The following DLGAP3 variants were observed in gnomAD, a reference collection of about 807,000 sequenced individuals.
DLGAP3 encodes DLG associated protein 3.
DLGAP3 carries 17 observed loss-of-function variants against 81.2 expected under a neutral mutation model. That is an observed-to-expected ratio of 0.21 (90% CI 0.14 to 0.31). The LOEUF (loss-of-function observed/expected upper bound fraction) is 0.31, where lower values mean the gene tolerates loss of function less well. DLGAP3 is among the 10% of genes least tolerant of loss of function. The probability of loss-of-function intolerance (pLI) is 1.00; values close to 1 mark genes in which losing one functional copy is unlikely to be tolerated. For synonymous variants in DLGAP3, 577 were observed against 587.4 expected (o/e 0.98, Z 0.26); for missense variants, 1,124 against 1,388.0 (o/e 0.81, Z 3.02).
rs1052089897 is a variant in DLGAP3 at position 34,867,686 on chromosome 1, C to A, written c.2486-59G>T. ...GATGCATCTCCTTCCCCAGCCTCCA[C>A]GAAGTCTGCCCTGAATGACGCTGAC... On this transcript the variant is annotated intron_variant, in intron 9 of 11. Coordinates refer to ENST00000373347, the MANE Select transcript of DLGAP3 (RefSeq NM_001080418.3). The surrounding 1 kb of genome is among the most constrained non-coding windows in gnomAD (Gnocchi z 4.3). 4 of 1,404,488 alleles carry A rather than the reference C, an allele frequency of 2.8e-6. No individual in the cohort carries two copies. Among genetic ancestry groups the A allele is most frequent in the Middle Eastern group, 1.9e-4 (1 of 5,152 alleles). 87.0% of individuals were successfully genotyped at this position (1,404,488 alleles called of 1,614,324 possible).
In DLGAP3 at chr1:34,900,383, C is replaced by T; in HGVS notation, c.1108-110G>A. The T allele has an allele frequency of 1.8e-6, 2 of 1,119,906 alleles. No individual in the cohort carries two copies. Among genetic ancestry groups the T allele is most frequent in the Non-Finnish European group, 2.7e-6 (2 of 746,256 alleles). The allele number at this position is 1,119,906 out of a possible 1,614,324, so 69.4% of individuals were successfully genotyped here. ...TGCCCTGCCCTGGCTTGAACAGGCA[C>T]ACTCAGGTACATGCAGAGGCAGAAG... On this transcript the variant is annotated intron_variant, in intron 3 of 11. Coordinates refer to ENST00000373347, the MANE Select transcript of DLGAP3 (RefSeq NM_001080418.3). The surrounding 1 kb of genome is among the most constrained non-coding windows in gnomAD (Gnocchi z 5.6).
At chr1:34,882,644 T>A (rs1331067213) in intron 8 of DLGAP3, among the ~76,000 whole-genome samples, 2 of 152,210 alleles carry the variant, frequency 1.3e-5, no homozygotes, top group African/African-American at 4.8e-5. Flanking sequence ...TCCTCCTAAC[T>A]AGCCTTCTCG....
chr1:34,882,094 AT>A (rs1639154525), intron 8 of DLGAP3, among the ~76,000 whole-genome samples: 2 of 152,226 alleles, frequency 1.3e-5, no homozygotes, highest in South Asian at 4.1e-4. Flanking sequence ...GCCCATCATG[AT>A]TTTCAGATAA....
At chr1:34,886,526 C>CCCACCT (rs1224831878) in intron 5 of DLGAP3, among the ~76,000 whole-genome samples, 2 of 151,436 alleles carry the variant, frequency 1.3e-5, no homozygotes, top group African/African-American at 2.4e-5. Flanking sequence ...CACCCCCACC[C>CCCACCT]CCACCTCCAC....
intron 1 of DLGAP3, among the ~76,000 whole-genome samples, chr1:34,912,034 C>T (rs1297415591): frequency 3.9e-5 from 6 of 152,170 alleles, no homozygotes; most frequent in Non-Finnish European, 8.8e-5. Context: ...GCTGTGTGTA[C>T]TTGGGTAGGT....
chr1:34,900,059 T>C lies in DLGAP3; in HGVS notation c.1313+9A>G, dbSNP rs184737443. The stretch of plus-strand genomic sequence containing the variant: ...TGACCCCGCACCCCCCGGCCCTCCC[T>C]GTCCTTACTTGATCCTGGCCTGGTC... On this transcript the variant is annotated intron_variant, in intron 4 of 11. Transcript: ENST00000373347. This position sits in a 1 kb window ranked among gnomAD's most constrained non-coding sequence, Gnocchi z 5.6. 2.3e-3 allele frequency: 3,633 copies of C among 1,611,198 alleles called. 16 individuals carry two copies. The highest frequency in any genetic ancestry group is 2.1e-3 in the Non-Finnish European group (2,464 of 1,179,548).
At chr1:34,897,853 C>T (rs570574610) in intron 5 of DLGAP3, among the ~76,000 whole-genome samples, 12 of 152,132 alleles carry the variant, frequency 7.9e-5, no homozygotes, top group Non-Finnish European at 1.0e-4. Context: ...GCAGGATCAG[C>T]TGAAGGATTG....
rs1638869115 is a variant in DLGAP3, at chr1:34,866,026, G to A, written c.*57C>T. The A allele has an allele frequency of 6.9e-7, 1 of 1,452,714 alleles. No homozygotes were observed. Among genetic ancestry groups the A allele is most frequent in the African/African-American group, 1.4e-5 (1 of 71,476 alleles). The allele number at this position is 1,452,714 out of a possible 1,614,324, so 90.0% of individuals were successfully genotyped here. On this transcript the variant is annotated 3_prime_UTR_variant, in exon 12 of 12. Transcript: ENST00000373347. The stretch of plus-strand genomic sequence containing the variant: ...GCGTTCACAGTGACCTCGACGCTGG[G>A]TGTACAGTACGGGTGGAGAACCGCG...
At chr1:34,899,495 T>G (rs1287117273) in intron 5 of DLGAP3, among the ~76,000 whole-genome samples, 174 bp downstream of exon 5, 1 of 152,234 alleles carries the variant, frequency 6.6e-6, no homozygotes, top group African/African-American at 2.4e-5. Context: ...TGTGATTCTC[T>G]GAGACTCCCA....
intron 11 of DLGAP3, 76 bp downstream of exon 11, chr1:34,866,972 G>A (rs554499740): frequency 3.8e-6 from 6 of 1,566,326 alleles, no homozygotes; most frequent in East Asian, 2.2e-5. Context: ...CCCCTTGTTC[G>A]TCCCACCCTC....
rs141984275 is a variant in DLGAP3 at position 34,910,329 on chromosome 1, C to T, written c.-134-2892G>A. 1.5e-3 allele frequency among the ~76,000 whole-genome samples: 225 copies of T among 152,370 alleles called. 1 individual carries two copies. Among genetic ancestry groups the T allele is most frequent in the African/African-American group, 5.1e-3 (214 of 41,582 alleles). Reference sequence around the variant, plus strand: ...ACCATCTCCTGCCTGCATGTCTGCACGTCTTCTCCTAACTGGTCTCCCTGC... The same window carrying T: ...ACCATCTCCTGCCTGCATGTCTGCATGTCTTCTCCTAACTGGTCTCCCTGC... On this transcript the variant is annotated intron_variant, in intron 1 of 11. Coordinates refer to ENST00000373347, the MANE Select transcript of DLGAP3 (RefSeq NM_001080418.3).
intron 6 of DLGAP3, 90 bp downstream of exon 6, chr1:34,885,982 G>A: frequency 1.5e-6 from 2 of 1,353,984 alleles, no homozygotes; most frequent in Non-Finnish European, 2.0e-6. Context: ...GATCTGCGCG[G>A]GTCACAGCAC....
chr1:34,905,299 C>A lies in DLGAP3; in HGVS notation c.85G>T (p.Ala29Ser). 6.4e-7 allele frequency: 1 copy of A among 1,565,078 alleles called. No homozygotes were observed. The highest frequency in any genetic ancestry group is 8.7e-7 in the Non-Finnish European group (1 of 1,154,872). Residue 29 changes from alanine to serine, a missense_variant, in exon 3 of 12, where the codon GCC becomes TCC. This residue lies in a region of DLGAP3 where 167 missense variants were observed against 172.1 expected (regional missense o/e 0.97). Transcript: ENST00000373347. ...DQQHMDVGPAARAPYLLGSRE... is the reference protein window; with the variant it reads ...DQQHMDVGPASRAPYLLGSRE... The stretch of plus-strand genomic sequence containing the variant: ...GAGCCCAGCAGGTATGGGGCCCTGG[C>A]AGCAGGGCCCACGTCCATATGCTGT...
At chr1:34,891,667 TCCCCAGCTCACACATA>T (rs1639313045) in intron 5 of DLGAP3, among the ~76,000 whole-genome samples, 2 of 151,872 alleles carry the variant, frequency 1.3e-5, no homozygotes, top group South Asian at 4.1e-4. Context: ...AACTTTGCCC[TCCCCAGCTCACACATA>T]GAACTATAGG....
chr1:34,899,931 T>G (rs1639429722), intron 4 of DLGAP3, 137 bp downstream of exon 4: 7 of 905,680 alleles, frequency 7.7e-6, no homozygotes, highest in Non-Finnish European at 1.2e-5. Context: ...GACCCTCCCT[T>G]TACATGGAGT....
At chr1:34,880,206 A>G (rs562065650) in intron 8 of DLGAP3, among the ~76,000 whole-genome samples, 9 of 152,232 alleles carry the variant, frequency 5.9e-5, no homozygotes, top group African/African-American at 1.9e-4. Context: ...GATGCATGCC[A>G]CCATGCCCAG....
Position 34,895,426 on chromosome 1 carries a change from A to G in DLGAP3, c.1386+4243T>C, listed in dbSNP as rs1639368035. 6.6e-6 allele frequency among the ~76,000 whole-genome samples: 1 copy of G among 151,906 alleles called. No homozygotes were observed. The highest frequency in any genetic ancestry group is 2.4e-5 in the African/African-American group (1 of 41,426). ...AGTAAAATAAATGCTGAAAGAAATC[A>G]AAGAAGAACTGAATAAATGGAAATA... is the stretch of plus-strand genomic sequence containing the variant. On this transcript the variant is annotated intron_variant, in intron 5 of 11. Coordinates refer to ENST00000373347, the MANE Select transcript of DLGAP3 (RefSeq NM_001080418.3). This position sits in a 1 kb window ranked among gnomAD's most constrained non-coding sequence, Gnocchi z 4.5.
At chr1:34,869,630 C>A (rs897100892) in intron 8 of DLGAP3, among the ~76,000 whole-genome samples, 8 of 152,028 alleles carry the variant, frequency 5.3e-5, no homozygotes, top group African/African-American at 1.9e-4. Flanking sequence ...ACTGGGATTA[C>A]AGGCATGCGC....
rs1454084417 is a variant in DLGAP3, at chr1:34,867,362, AC to A, written c.2578-172del. Among the ~76,000 whole-genome samples, 2 of 152,124 alleles carry A rather than the reference AC, an allele frequency of 1.3e-5. No homozygotes were observed. The highest frequency in any genetic ancestry group is 2.9e-5 in the Non-Finnish European group (2 of 68,014). On this transcript the variant is annotated intron_variant, in intron 10 of 11. Coordinates refer to ENST00000373347, the MANE Select transcript of DLGAP3 (RefSeq NM_001080418.3). The surrounding 1 kb of genome is among the most constrained non-coding windows in gnomAD (Gnocchi z 4.3). ...GAGCCCAGGACTCCCCTTCTTGTGCACAAACACCTGGTCCTACCTCCAGGCA... is the reference window on the plus strand; with the variant it reads ...GAGCCCAGGACTCCCCTTCTTGTGCAAAACACCTGGTCCTACCTCCAGGCA...
Sources: gnomAD v4.1 joint callset for allele counts (sites outside exome capture counted in the v4.1 genomes callset) on GRCh38, gnomAD v4.1.1 for gene constraint, gnomAD v4.1.1 regional missense constraint, Gnocchi (gnomAD v3.1) non-coding constraint, MANE v1.5 for transcripts, NCBI Gene and HGNC (gene_info 2026-07-23, HGNC 2026-07-21) for gene names.